The following DENND5B variants were observed in gnomAD, a reference collection of about 807,000 sequenced individuals.
DENND5B encodes the protein DENN domain containing 5B, also known as DENN domain-containing protein 5B.
A neutral mutation model predicts 140.6 loss-of-function variants in DENND5B; 34 were observed. The observed-to-expected ratio is 0.24, with a 90% confidence interval of 0.18 to 0.32. The LOEUF (loss-of-function observed/expected upper bound fraction) is 0.32, where lower values mean the gene tolerates loss of function less well. Ranked by LOEUF, DENND5B falls within the 10% of genes least tolerant of loss-of-function variation. DENND5B has a pLI of 1.00. For missense variants in DENND5B, 1,142 were observed against 1,560.2 expected, an observed-to-expected ratio of 0.73 and a Z score of 4.52; for synonymous variants, 551 against 562.1, an observed-to-expected ratio of 0.98 and a Z score of 0.28.
chr12:31,402,838 T>C lies in DENND5B; in HGVS notation c.2804-195A>G, dbSNP rs186031038. Among the ~76,000 whole-genome samples, 4 of 152,286 alleles carry C rather than the reference T, an allele frequency of 2.6e-5. 1 individual carries two copies. The highest frequency in any genetic ancestry group is 9.6e-5 in the African/African-American group (4 of 41,562). On this transcript the variant is annotated intron_variant, in intron 14 of 20. Transcript: ENST00000389082. Reference sequence around the variant, plus strand: ...AGATCTAGTTTGCAAACCAGAAGTCTCAATACTCGTAGCAGTGGTTTTCAC... The same window carrying C: ...AGATCTAGTTTGCAAACCAGAAGTCCCAATACTCGTAGCAGTGGTTTTCAC...
At chr12:31,391,589 T>G (rs186204563) in intron 19 of DENND5B, among the ~76,000 whole-genome samples, 1 of 152,354 alleles carries the variant, frequency 6.6e-6, no homozygotes, top group East Asian at 1.9e-4. Flanking sequence ...ATTTGGAATA[T>G]TGTGCATATT....
intron 3 of DENND5B, among the ~76,000 whole-genome samples, chr12:31,471,970 G>A (rs754561121): frequency 1.3e-5 from 2 of 152,128 alleles, no homozygotes; most frequent in South Asian, 4.1e-4. Context: ...CACCCCAGAT[G>A]AAGAAGCTGA....
chr12:31,536,162 T>C (rs887943058), intron 1 of DENND5B, among the ~76,000 whole-genome samples: 3 of 152,176 alleles, frequency 2.0e-5, no homozygotes, highest in Admixed American at 6.5e-5. Context: ...AGAATCACGT[T>C]ACCTGTACAG....
At position 31,470,255 on chromosome 12, in the gene DENND5B, C is replaced by A. The variant is rs192215063; in HGVS notation, c.904+9334G>T. On this transcript the variant is annotated intron_variant, in intron 3 of 20. Coordinates refer to ENST00000389082, the MANE Select transcript of DENND5B (RefSeq NM_144973.4). ...TCAGCCTCCCGAGTAGCTGGGATTA[C>A]AGGCATGCACCACCACGCCTGGGTA... Among the ~76,000 whole-genome samples, 630 of 151,790 alleles carry A rather than the reference C, an allele frequency of 4.2e-3. 5 individuals are homozygous for A. The highest frequency in any genetic ancestry group is 0.014 in the African/African-American group (575 of 41,370).
chr12:31,583,431 C>T (rs545098778), intron 1 of DENND5B, among the ~76,000 whole-genome samples: 2 of 152,046 alleles, frequency 1.3e-5, no homozygotes, highest in African/African-American at 4.8e-5. Context: ...AATCCTAGCA[C>T]TTTGGGAGGC....
chr12:31,551,612 T>C (rs1264994460), intron 1 of DENND5B, among the ~76,000 whole-genome samples: 1 of 152,220 alleles, frequency 6.6e-6, no homozygotes, highest in East Asian at 1.9e-4. Flanking sequence ...AAGTCATTGG[T>C]TGCTTGATGG....
At chr12:31,411,041 T>C (rs1383221565) in intron 13 of DENND5B, among the ~76,000 whole-genome samples, 3 of 59,318 alleles carry the variant, frequency 5.1e-5, no homozygotes, top group Non-Finnish European at 1.0e-4. Context: ...CATAAATCAC[T>C]TTTTTTTTTT....
At chr12:31,518,485 G>A (rs926867786) in intron 1 of DENND5B, among the ~76,000 whole-genome samples, 4 of 152,076 alleles carry the variant, frequency 2.6e-5, no homozygotes, top group Admixed American at 2.6e-4. Context: ...CCAGGGCTAA[G>A]CATGTAAGCA....
intron 20 of DENND5B, among the ~76,000 whole-genome samples, chr12:31,388,046 G>A (rs1257044525): frequency 6.6e-6 from 1 of 152,024 alleles, no homozygotes; most frequent in African/African-American, 2.4e-5. Context: ...AGAGTTTAAA[G>A]TACATTAGAA....
chr12:31,445,052 C>T (rs1446688155), intron 6 of DENND5B, among the ~76,000 whole-genome samples: 1 of 152,166 alleles, frequency 6.6e-6, no homozygotes, highest in Admixed American at 6.6e-5. Context: ...AAGGAAGCTC[C>T]ACATTTGCTG....
intron 7 of DENND5B, among the ~76,000 whole-genome samples, chr12:31,437,165 C>T (rs1282164425): frequency 6.9e-6 from 1 of 145,834 alleles, no homozygotes; most frequent in Admixed American, 6.9e-5. Context: ...TTTTTTGAGA[C>T]GGAGTCTCAC....
At chr12:31,449,052 C>T (rs568203263) in intron 5 of DENND5B, among the ~76,000 whole-genome samples, 1 of 152,042 alleles carries the variant, frequency 6.6e-6, no homozygotes, top group African/African-American at 2.4e-5. Flanking sequence ...TACAGGGATT[C>T]TACATTCAAT....
intron 2 of DENND5B, among the ~76,000 whole-genome samples, chr12:31,484,000 T>C (rs1946190104): frequency 6.6e-6 from 1 of 151,534 alleles, no homozygotes; most frequent in African/African-American, 2.4e-5. Flanking sequence ...ACTACAGGCC[T>C]GCACCACCAT....
intron 1 of DENND5B, among the ~76,000 whole-genome samples, chr12:31,584,350 A>G (rs959398700): frequency 6.6e-6 from 1 of 152,174 alleles, no homozygotes; most frequent in Non-Finnish European, 1.5e-5. Context: ...CATAAGCCTG[A>G]GCCTTGGGGT....
At chr12:31,443,801 T>C (rs1324901965) in intron 6 of DENND5B, 1 of 152,186 alleles carries the variant, frequency 6.6e-6, no homozygotes, top group Admixed American at 6.5e-5. Context: ...GTAGGAGTCA[T>C]TTTGGAGTGT....
At chr12:31,460,872 CCCA>C (rs1250063224) in intron 3 of DENND5B, among the ~76,000 whole-genome samples, 3 of 152,012 alleles carry the variant, frequency 2.0e-5, no homozygotes, top group Admixed American at 2.0e-4. Flanking sequence ...ATTACAGGCG[CCCA>C]CCACCACACC....
chr12:31,499,735 T>C (rs1251529210), intron 1 of DENND5B: 70 of 1,303,822 alleles, frequency 5.4e-5, no homozygotes, highest in Middle Eastern at 4.5e-4. Context: ...AAAGCAAAAA[T>C]GACTTTGAAG....
chr12:31,439,391 A>AT (rs1943923210), intron 7 of DENND5B, among the ~76,000 whole-genome samples: 2 of 152,158 alleles, frequency 1.3e-5, no homozygotes, highest in African/African-American at 4.8e-5. Flanking sequence ...TTCAAAATTA[A>AT]ACTCCTCCCT....
intron 20 of DENND5B, among the ~76,000 whole-genome samples, chr12:31,388,403 G>A (rs1940955963): frequency 6.6e-6 from 1 of 152,084 alleles, no homozygotes; most frequent in Non-Finnish European, 1.5e-5. Context: ...AACTTTAAAA[G>A]CACAGCTAAA....
Sources: allele counts gnomAD v4.1 joint callset (sites outside exome capture counted in the v4.1 genomes callset), GRCh38; gene constraint gnomAD v4.1.1; transcripts MANE v1.5; gene names NCBI Gene and HGNC (gene_info 2026-07-23, HGNC 2026-07-21).